Variants in DHRS12 observed in about 807,000 individuals in gnomAD.
DHRS12 encodes dehydrogenase/reductase 12.
In DHRS12, 29 loss-of-function variants were observed where a neutral mutation model predicts 32.1. That is an observed-to-expected ratio of 0.90 (90% CI 0.67 to 1.23). DHRS12 has a LOEUF of 1.23. Ranked by LOEUF, DHRS12 falls within the 50% of genes most tolerant of loss-of-function variation. The probability of loss-of-function intolerance (pLI) is 0.00; values close to 1 mark genes in which losing one functional copy is unlikely to be tolerated. For synonymous variants in DHRS12, 150 were observed against 135.9 expected, an observed-to-expected ratio of 1.10 and a Z score of -0.72; for missense variants, 330 against 337.2, an observed-to-expected ratio of 0.98 and a Z score of 0.17.
chr13:51,768,411 G>A (rs1277560970), intron 8 of DHRS12, 115 bp from the exon 9 acceptor site: 2 of 1,486,202 alleles, frequency 1.3e-6, no homozygotes, highest in Non-Finnish European at 1.8e-6. Flanking sequence ...GCACCCTACA[G>A]CTGTTAGACC....
chr13:51,771,907 T>C lies in DHRS12; in HGVS notation c.473A>G (p.Gln158Arg). The change falls in exon 7 of 9, where the codon CAG becomes CGG. Residue 158 changes from glutamine to arginine, a missense_variant. By Grantham distance (43) the Gln-to-Arg change is conservative. Transcript: ENST00000444610. ...CCACCGCTCCGTCAGAACCACTTGC[T>C]GCCTCTGGACAGGAAGGAGCGAGGG... ...GTMVYAQNKR[Q>R]QVVLTERWAQ... 1 of 1,614,104 alleles carries C rather than the reference T, an allele frequency of 6.2e-7. No individual in the cohort carries two copies. Among genetic ancestry groups the C allele is most frequent in the East Asian group, 2.2e-5 (1 of 44,874 alleles).
intron 6 of DHRS12, 43 bp downstream of exon 6, chr13:51,773,887 G>T: frequency 6.5e-7 from 1 of 1,547,992 alleles, no homozygotes; most frequent in Non-Finnish European, 8.9e-7. Context: ...GGCCCTCGCA[G>T]CCCGTGGGTA....
At position 51,768,787 on chromosome 13, in the gene DHRS12, C is replaced by A. The variant is rs116161100; in HGVS notation, c.697+369G>T. On this transcript the variant is annotated intron_variant, in intron 8 of 8. Coordinates refer to ENST00000444610, the MANE Select transcript of DHRS12 (RefSeq NM_001377533.1). ...AAAAATAGAGAAGCAGAGTCCCTTACACCCTTTGCACTGCAGAGAAGCAGA... is the reference window on the plus strand; with the variant it reads ...AAAAATAGAGAAGCAGAGTCCCTTAAACCCTTTGCACTGCAGAGAAGCAGA... 1.8e-3 allele frequency: 2,172 copies of A among 1,205,066 alleles called. 28 individuals carry two copies. In the African/African-American group the frequency reaches 0.031, roughly 17 times the overall value. 74.6% of individuals were successfully genotyped at this position (1,205,066 alleles called of 1,614,324 possible).
At chr13:51,774,237 CTACAG>C (rs989386943) in intron 5 of DHRS12, 3 of 507,788 alleles carry the variant, frequency 5.9e-6, no homozygotes, top group African/African-American at 2.1e-5. Flanking sequence ...ATGTATTCTC[CTACAG>C]TATTCTCCTA....
chr13:51,791,950 A>G (rs1236992997), intron 2 of DHRS12, among the ~76,000 whole-genome samples: 1 of 152,226 alleles, frequency 6.6e-6, no homozygotes, highest in Non-Finnish European at 1.5e-5. Context: ...GCTGAATGAT[A>G]TTCCAATGTG....
chr13:51,756,478 C>T, the DHRS12 span: 2 of 1,609,802 alleles, frequency 1.2e-6, no homozygotes. Flanking sequence ...TTCCTGCAGC[C>T]TGCAGACCGC....
Position 51,768,271 on chromosome 13 carries a change from C to T in DHRS12, c.723G>A (p.Leu241=), listed in dbSNP as rs1354505179. ...FQDRKPVSTH[L]PLATASSSPA... is the part of the protein sequence containing the mutation. The stretch of plus-strand genomic sequence containing the variant: ...GTGAGGAGGACGCTGTAGCGAGAGG[C>T]AAGTGTGTAGAAACTGGCTTCCGAT... The change falls in exon 9 of 9, where the codon TTG becomes TTA. Residue 241 remains leucine (L), a synonymous_variant. Transcript: ENST00000444610. 2 of 1,536,058 alleles carry T rather than the reference C, an allele frequency of 1.3e-6. No homozygotes were observed. Among genetic ancestry groups the T allele is most frequent in the South Asian group, 1.2e-5 (1 of 84,054 alleles).
chr13:51,802,407 G>C (rs923119745), intron 1 of DHRS12, among the ~76,000 whole-genome samples: 1 of 152,210 alleles, frequency 6.6e-6, no homozygotes, highest in African/African-American at 2.4e-5. Context: ...TTTGACTCAA[G>C]CTGAGAGGAC....
Position 51,774,021 on chromosome 13 carries a change from G to A in DHRS12, c.377C>T (p.Ser126Leu), listed in dbSNP as rs1185022474. Residue 126 changes from serine (S) to leucine (L), a missense_variant, in exon 6 of 9, where the codon TCA becomes TTA. Transcript: ENST00000444610. Reference sequence around the variant, plus strand: ...CAGTTTCTGAACCAACATTCCTCCTGAGGAGACGGTTATCTGCAATAAAGG... The same window carrying A: ...CAGTTTCTGAACCAACATTCCTCCTAAGGAGACGGTTATCTGCAATAAAGG... Reference protein sequence around the residue: ...EHDPRVITVSSGGMLVQKLNT... With the variant: ...EHDPRVITVSLGGMLVQKLNT... 2 of 1,613,776 alleles carry A rather than the reference G, an allele frequency of 1.2e-6. No homozygotes were observed. Among genetic ancestry groups the A allele is most frequent in the Admixed American group, 1.7e-5 (1 of 59,992 alleles).
intron 2 of DHRS12, among the ~76,000 whole-genome samples, chr13:51,795,288 G>A (rs1955463156): frequency 6.6e-6 from 1 of 152,140 alleles, no homozygotes; most frequent in Non-Finnish European, 1.5e-5. Flanking sequence ...TGCTACTGGG[G>A]GCTTGCAGGC....
At chr13:51,796,264 G>C (rs1404171548) in intron 2 of DHRS12, among the ~76,000 whole-genome samples, 2 of 152,112 alleles carry the variant, frequency 1.3e-5, no homozygotes, top group African/African-American at 4.8e-5. Context: ...TCATAAGCAG[G>C]GAGGGACAGC....
At chr13:51,769,442 G>A (rs1953912433) in intron 7 of DHRS12, 149 bp from the exon 8 acceptor site, 3 of 695,682 alleles carry the variant, frequency 4.3e-6, no homozygotes, top group Non-Finnish European at 6.7e-6. Flanking sequence ...CAAGCCACTC[G>A]GAACCAGTTC....
At chr13:51,758,552 T>TAA in the DHRS12 span, among the ~76,000 whole-genome samples, 39 of 127,704 alleles carry the variant, frequency 3.1e-4, no homozygotes, top group African/African-American at 9.9e-4. Flanking sequence ...CCTCATCTCT[T>TAA]AAAAAAAAAA....
chr13:51,795,720 A>C (rs1464357270), intron 2 of DHRS12, among the ~76,000 whole-genome samples: 2 of 152,216 alleles, frequency 1.3e-5, no homozygotes, highest in African/African-American at 4.8e-5. Context: ...ACCAGAGAGG[A>C]GATTCGCCAT....
intron 4 of DHRS12, among the ~76,000 whole-genome samples, chr13:51,781,843 T>A (rs1313038291): frequency 6.6e-6 from 1 of 152,028 alleles, no homozygotes; most frequent in Non-Finnish European, 1.5e-5. Flanking sequence ...GGAAACAGAT[T>A]TGCATGCATA....
downstream of DHRS12, chr13:51,767,797 G>T (rs113116200): frequency 5.4e-3 from 369 of 68,968 alleles, 37 homozygotes; most frequent in South Asian, 0.031. Context: ...GGGGGGGGGG[G>T]TGCACAGCGC....
intron 2 of DHRS12, among the ~76,000 whole-genome samples, chr13:51,794,331 C>A (rs909242586): frequency 6.6e-6 from 1 of 152,122 alleles, no homozygotes; most frequent in Non-Finnish European, 1.5e-5. Flanking sequence ...GGGACTGATC[C>A]CCCCATCAGA....
chr13:51,778,159 G>A (rs1483512181), intron 4 of DHRS12, among the ~76,000 whole-genome samples: 1 of 152,228 alleles, frequency 6.6e-6, no homozygotes, highest in East Asian at 1.9e-4. Flanking sequence ...TACCAGCGGT[G>A]TGACCGTAGG....
intron 4 of DHRS12, among the ~76,000 whole-genome samples, chr13:51,779,117 C>G (rs1453401500): frequency 3.9e-5 from 6 of 152,056 alleles, no homozygotes; most frequent in South Asian, 4.2e-4. Context: ...AGGAAGGTAC[C>G]CATTCTGCAA....
Sources: gnomAD v4.1 joint callset for allele counts (sites outside exome capture counted in the v4.1 genomes callset) on GRCh38, gnomAD v4.1.1 for gene constraint, MANE v1.5 for transcripts, NCBI Gene and HGNC (gene_info 2026-07-23, HGNC 2026-07-21) for gene names.